Variants in MINDY4 observed in about 807,000 individuals in gnomAD.
The protein encoded by MINDY4 is MINDY lysine 48 deubiquitinase 4, also known as probable ubiquitin carboxyl-terminal hydrolase MINDY-4.
Under a neutral mutation model 87.0 loss-of-function variants are expected in MINDY4, and 68 were observed. That is an observed-to-expected ratio of 0.78 (90% CI 0.64 to 0.96). The LOEUF is 0.96. Ranked by LOEUF, MINDY4 falls within the 40% of genes least tolerant of loss-of-function variation. The pLI is 0.00. For synonymous variants in MINDY4, 379 were observed against 363.2 expected, an observed-to-expected ratio of 1.04 and a Z score of -0.50; for missense variants, 919 against 928.2, an observed-to-expected ratio of 0.99 and a Z score of 0.13.
chr7:30,802,428 C>G (rs1787681815), intron 5 of MINDY4, among the ~76,000 whole-genome samples: 1 of 152,074 alleles, frequency 6.6e-6, no homozygotes, highest in Non-Finnish European at 1.5e-5. Context: ...TTTGTTCCTT[C>G]AGTATCTTGG....
intron 9 of MINDY4, among the ~76,000 whole-genome samples, chr7:30,843,174 A>C (rs577288497): frequency 5.3e-5 from 8 of 152,354 alleles, no homozygotes; most frequent in Admixed American, 5.2e-4. Context: ...ATTTTTGTTG[A>C]GAGAACACAT....
chr7:30,819,812 G>A (rs772479451), intron 5 of MINDY4, among the ~76,000 whole-genome samples: 6 of 151,516 alleles, frequency 4.0e-5, no homozygotes, highest in Non-Finnish European at 7.4e-5. Flanking sequence ...CTTTTAAATG[G>A]CTAGTATACA....
intron 1 of MINDY4, among the ~76,000 whole-genome samples, chr7:30,775,182 C>A (rs77006640): frequency 6.6e-6 from 1 of 152,130 alleles, no homozygotes; most frequent in African/African-American, 2.4e-5. Context: ...TTAGTGCAGA[C>A]CCTGCAGGTT....
intron 17 of MINDY4, 133 bp from the exon 18 acceptor site, chr7:30,891,824 A>T (rs545310955): frequency 2.4e-6 from 2 of 840,130 alleles, no homozygotes; most frequent in Non-Finnish European, 4.1e-6. Context: ...GAGGGGTGAG[A>T]TGAGCAGGAT....
intron 12 of MINDY4, among the ~76,000 whole-genome samples, chr7:30,853,810 C>T (rs367757884): frequency 4.2e-4 from 64 of 152,336 alleles, no homozygotes; most frequent in African/African-American, 1.3e-3. Context: ...TGGAAGCAGC[C>T]GCCACTGGAA....
intron 5 of MINDY4, among the ~76,000 whole-genome samples, chr7:30,827,827 G>A (rs554089575): frequency 3.9e-5 from 6 of 152,286 alleles, no homozygotes; most frequent in South Asian, 2.1e-4. Flanking sequence ...GCAAGATTAC[G>A]ATTGTTACTT....
At chr7:30,848,293 A>G (rs1789289273) in intron 9 of MINDY4, among the ~76,000 whole-genome samples, 1 of 152,198 alleles carries the variant, frequency 6.6e-6, no homozygotes, top group African/African-American at 2.4e-5. Flanking sequence ...GTGTATGTGC[A>G]ATGGTGATTG....
At chr7:30,824,947 A>G (rs1304715635) in intron 5 of MINDY4, among the ~76,000 whole-genome samples, 4 of 151,570 alleles carry the variant, frequency 2.6e-5, no homozygotes, top group Non-Finnish European at 5.9e-5. Context: ...CATGGAGCCC[A>G]GAACACCAGC....
chr7:30,888,065 G>C (rs781730479), intron 17 of MINDY4, among the ~76,000 whole-genome samples: 6 of 152,200 alleles, frequency 3.9e-5, no homozygotes, highest in Non-Finnish European at 8.8e-5. Context: ...TGTCCTGGCT[G>C]ACACAGGCTC....
intron 9 of MINDY4, among the ~76,000 whole-genome samples, chr7:30,845,750 A>G (rs956964910): frequency 6.6e-6 from 1 of 152,154 alleles, no homozygotes; most frequent in African/African-American, 2.4e-5. Flanking sequence ...AAGCAGATGG[A>G]GGATGGGATC....
At chr7:30,799,528 C>G (rs1225810036) in intron 5 of MINDY4, among the ~76,000 whole-genome samples, 5 of 152,216 alleles carry the variant, frequency 3.3e-5, no homozygotes, top group African/African-American at 1.2e-4. Flanking sequence ...TTCCACCATC[C>G]CTAACCCCTT....
At chr7:30,852,387 G>A in intron 11 of MINDY4, 108 bp downstream of exon 11, 1 of 1,558,420 alleles carries the variant, frequency 6.4e-7, no homozygotes, top group South Asian at 1.2e-5. Context: ...GCCTTCCGCA[G>A]CCCAGGTCCC....
Sources: allele counts gnomAD v4.1 joint callset (sites outside exome capture counted in the v4.1 genomes callset), GRCh38; gene constraint gnomAD v4.1.1; transcripts MANE v1.5; gene names NCBI Gene and HGNC (gene_info 2026-07-23, HGNC 2026-07-21).